Variants in MED12L observed in about 807,000 individuals in gnomAD.
The protein encoded by MED12L is mediator complex subunit 12L, also known as mediator of RNA polymerase II transcription subunit 12-like protein.
In MED12L, 60 loss-of-function variants were observed where a neutral mutation model predicts 281.3. That is an observed-to-expected ratio of 0.21 (90% CI 0.17 to 0.26). MED12L has a LOEUF of 0.26. Among genes scored for constraint, MED12L ranks in the 10% least tolerant of loss-of-function variants. MED12L has a pLI of 1.00. For synonymous variants in MED12L, 974 were observed against 987.2 expected, an observed-to-expected ratio of 0.99 and a Z score of 0.25; for missense variants, 2,146 against 2,680.9, an observed-to-expected ratio of 0.80 and a Z score of 4.41.
At chr3:151,234,215 A>G (rs1732279617) in intron 16 of MED12L, among the ~76,000 whole-genome samples, 1 of 152,260 alleles carries the variant, frequency 6.6e-6, no homozygotes, top group African/African-American at 2.4e-5. Context: ...TAAAAAACCC[A>G]TTATTTGCCT....
chr3:151,328,182 G>T, intron 16 of MED12L: 1 of 1,612,754 alleles, frequency 6.2e-7, no homozygotes. Flanking sequence ...AGTTGATTTT[G>T]CAGTCTACAG....
chr3:151,144,071 G>A (rs1267156971), intron 5 of MED12L, among the ~76,000 whole-genome samples: 3 of 152,204 alleles, frequency 2.0e-5, no homozygotes, highest in Admixed American at 2.0e-4. Flanking sequence ...AGCTGAGCCT[G>A]TTGGTGGCAC....
chr3:151,270,436 T>C (rs912647285), intron 16 of MED12L, among the ~76,000 whole-genome samples: 10 of 152,128 alleles, frequency 6.6e-5, no homozygotes, highest in Admixed American at 3.3e-4. Context: ...CTGAACTCTC[T>C]GGGGAAAAAA....
chr3:151,336,720 G>C (rs1269683574), intron 16 of MED12L: 1 of 335,106 alleles, frequency 3.0e-6, no homozygotes, highest in African/African-American at 2.2e-5. Flanking sequence ...CTTCAGAAGA[G>C]ACTTTGCACA....
chr3:151,141,179 T>TTTTTTTTTTTTTTTG (rs1203630968), intron 5 of MED12L, among the ~76,000 whole-genome samples: 1 of 113,970 alleles, frequency 8.8e-6, no homozygotes, highest in East Asian at 2.7e-4. Context: ...TTTTTTTTTG[T>TTTTTTTTTTTTTTTG]TTTTTTTGTT....
intron 16 of MED12L, chr3:151,328,074 G>A (rs368054575): frequency 4.3e-6 from 7 of 1,610,280 alleles, no homozygotes; most frequent in Non-Finnish European, 5.1e-6. Flanking sequence ...ATACATGGTA[G>A]CTTTTCTGTG....
chr3:151,330,245 C>CT (rs1490399648), intron 16 of MED12L, among the ~76,000 whole-genome samples: 4 of 152,152 alleles, frequency 2.6e-5, no homozygotes, highest in Non-Finnish European at 4.4e-5. Flanking sequence ...ATGTTAGCCA[C>CT]TTTTAGTGGC....
chr3:151,368,442 A>G (rs1241277422), intron 25 of MED12L, among the ~76,000 whole-genome samples, 191 bp downstream of exon 25: 2 of 152,132 alleles, frequency 1.3e-5, no homozygotes, highest in African/African-American at 2.4e-5. Context: ...ATATCAGGAT[A>G]TATTGAGAAA....
At chr3:151,415,164 T>A (rs1717399055) in intron 42 of MED12L, among the ~76,000 whole-genome samples, 1 of 152,244 alleles carries the variant, frequency 6.6e-6, no homozygotes, top group African/African-American at 2.4e-5. Context: ...GGAAAGCCTT[T>A]TCTTATTAGA....
chr3:151,390,378 C>T (rs1187219412), intron 38 of MED12L, among the ~76,000 whole-genome samples: 1 of 152,138 alleles, frequency 6.6e-6, no homozygotes, highest in Non-Finnish European at 1.5e-5. Context: ...TGATGAAAAT[C>T]TAAGCTGTAA....
chr3:151,426,242 A>C (rs1718858696), intron 43 of MED12L, among the ~76,000 whole-genome samples: 2 of 152,218 alleles, frequency 1.3e-5, no homozygotes, highest in Non-Finnish European at 2.9e-5. Context: ...CAGAAATTCT[A>C]ATTCAGGAAG....
chr3:151,105,779 C>G (rs556608122), intron 2 of MED12L, among the ~76,000 whole-genome samples: 2 of 152,276 alleles, frequency 1.3e-5, no homozygotes, highest in Non-Finnish European at 2.9e-5. Flanking sequence ...CTAGACTTCT[C>G]TAGACCTGTA....
intron 32 of MED12L, 96 bp downstream of exon 32, chr3:151,380,320 G>C: frequency 1.2e-6 from 1 of 817,166 alleles, no homozygotes; most frequent in Non-Finnish European, 1.9e-6. Flanking sequence ...ATAAGGGCCA[G>C]GTGTGGTGGC....
At position 151,377,097 on chromosome 3, in the gene MED12L, G is replaced by T; in HGVS notation, c.4235G>T (p.Gly1412Val). The T allele has an allele frequency of 6.2e-7, 1 of 1,614,052 alleles. No individual in the cohort carries two copies. Among genetic ancestry groups the T allele is most frequent in the South Asian group, 1.1e-5 (1 of 91,082 alleles). ...SADLNNSSNS[G>V]MSLFNPNSIG... ...GACCTAAATAATTCTTCTAATTCTG[G>T]CATGAGCCTCTTCAACCCAAACAGT... is the stretch of plus-strand genomic sequence containing the variant. Residue 1412 changes from glycine to valine, a missense_variant, in exon 30 of 45, where the codon GGC becomes GTC. This residue lies in a region of MED12L where 235 missense variants were observed against 260.3 expected (regional missense o/e 0.90). Transcript: ENST00000687756.
At chr3:151,278,312 A>AGTCATGCTT (rs1385388516) in intron 16 of MED12L, 1 of 152,232 alleles carries the variant, frequency 6.6e-6, no homozygotes, top group Non-Finnish European at 1.5e-5. Context: ...CATCTGTGAG[A>AGTCATGCTT]GTCATGCTTC....
At chr3:151,134,083 A>G (rs1715781748) in intron 5 of MED12L, among the ~76,000 whole-genome samples, 1 of 152,044 alleles carries the variant, frequency 6.6e-6, no homozygotes, top group Non-Finnish European at 1.5e-5. Context: ...TGCTAACTGC[A>G]TTTCAAGGTT....
intron 26 of MED12L, among the ~76,000 whole-genome samples, chr3:151,370,196 G>A (rs1333403564): frequency 1.3e-5 from 2 of 151,998 alleles, no homozygotes; most frequent in African/African-American, 4.8e-5. Flanking sequence ...CATTTACAGG[G>A]TAATACATTA....
intron 5 of MED12L, among the ~76,000 whole-genome samples, chr3:151,137,163 A>T (rs1716259399): frequency 7.6e-6 from 1 of 132,138 alleles, no homozygotes; most frequent in Non-Finnish European, 1.6e-5. Context: ...TCCGTCTCAA[A>T]AAAAAAAAGA....
chr3:151,334,241 A>T (rs1194466601), intron 16 of MED12L, among the ~76,000 whole-genome samples: 1 of 83,476 alleles, frequency 1.2e-5, no homozygotes, highest in Non-Finnish European at 2.2e-5. Context: ...TTGCCTTTTC[A>T]TGCTCTTGCC....
Sources: allele counts gnomAD v4.1 joint callset (sites outside exome capture counted in the v4.1 genomes callset), GRCh38; gene constraint gnomAD v4.1.1; regional missense constraint gnomAD v4.1.1; transcripts MANE v1.5; gene names NCBI Gene and HGNC (gene_info 2026-07-23, HGNC 2026-07-21).